Variants in ZNF540 observed in about 807,000 individuals in gnomAD.
ZNF540 encodes zinc finger protein 540, also known as CTD-3064H18.6.
ZNF540 carries 3 observed loss-of-function variants against 11.8 expected under a neutral mutation model. The observed-to-expected ratio is 0.25, with a 90% confidence interval of 0.12 to 0.65. The LOEUF (loss-of-function observed/expected upper bound fraction) is 0.65. ZNF540 is among the 30% of genes least tolerant of loss of function. The pLI, the probability that ZNF540 is intolerant of heterozygous loss-of-function variation, is 0.83. For missense variants in ZNF540, 709 were observed against 793.1 expected, an observed-to-expected ratio of 0.89 and a Z score of 1.27; for synonymous variants, 247 against 259.0, an observed-to-expected ratio of 0.95 and a Z score of 0.45.
chr19:37,555,793 G>A, intron 1 of ZNF540: 3 of 640,052 alleles, frequency 4.7e-6, no homozygotes. Context: ...CCCATGACAT[G>A]CCATAATACT....
rs778773191 is a variant in ZNF540 at position 37,599,608 on chromosome 19, G to A, written c.10-18G>A. ...TGTTCTGTAATTTCACCAGTAATAT[G>A]TTGGTTTATGGTTTCAGGCATTGGT... On this transcript the variant is annotated intron_variant, in intron 2 of 4. Transcript: ENST00000316433. 2 of 1,613,722 alleles carry A rather than the reference G, an allele frequency of 1.2e-6. No individual in the cohort carries two copies. Among genetic ancestry groups the A allele is most frequent in the Admixed American group, 1.7e-5 (1 of 59,964 alleles).
rs1446398567 is a variant in ZNF540, at chr19:37,613,891, G to C, written c.*628G>C. The C allele has an allele frequency of 1.0e-5, 4 of 398,408 alleles. No homozygotes were observed. Among genetic ancestry groups the C allele is most frequent in the Non-Finnish European group, 1.8e-5 (4 of 226,062 alleles). The allele number at this position is 398,408 out of a possible 1,614,324, so 24.7% of individuals were successfully genotyped here. A position where few individuals can be genotyped will look rare whatever the true frequency, so the allele number is the denominator to read the frequency against. ...CTTTAGGAGGAAATTAGGTCATGAG[G>C]GTGGAGCCTTCATGAGTGGAATTAC... On this transcript the variant is annotated 3_prime_UTR_variant, in exon 5 of 5. Transcript: ENST00000316433.
At position 37,614,106 on chromosome 19, in the gene ZNF540, C is replaced by G. The variant is rs2044153423; in HGVS notation, c.*843C>G. On this transcript the variant is annotated 3_prime_UTR_variant, in exon 5 of 5. Transcript: ENST00000316433. ...CTCAGTTGTTTATAAGCCACTGAGT[C>G]TACGATATTTTGTTATGCAGCCCAG... 2 of 372,234 alleles carry G rather than the reference C, an allele frequency of 5.4e-6. No individual in the cohort carries two copies. Among genetic ancestry groups the G allele is most frequent in the Non-Finnish European group, 9.5e-6 (2 of 210,542 alleles). The allele number at this position is 372,234 out of a possible 1,614,324, so 23.1% of individuals were successfully genotyped here.
intron 1 of ZNF540, chr19:37,586,625 A>G: frequency 1.9e-6 from 3 of 1,612,876 alleles, no homozygotes; most frequent in Non-Finnish European, 2.5e-6. Context: ...ACATTACACA[A>G]CAAAATGATT....
intron 1 of ZNF540, chr19:37,564,805 A>C: frequency 1.2e-6 from 2 of 1,614,008 alleles, no homozygotes; most frequent in Non-Finnish European, 1.7e-6. Flanking sequence ...GGTGTGAGCC[A>C]CGAATAAAAG....
At chr19:37,595,557 AGTGT>A (rs2043983831) in intron 1 of ZNF540, 1 of 152,192 alleles carries the variant, frequency 6.6e-6, no homozygotes, top group African/African-American at 2.4e-5. Flanking sequence ...TGGGGAAAGA[AGTGT>A]GTGAGCATAA....
In ZNF540 at chr19:37,612,440, A is replaced by G. The variant is rs137882596; in HGVS notation, c.1160A>G (p.Glu387Gly). The G allele has an allele frequency of 3.1e-6, 5 of 1,614,106 alleles. No individual in the cohort carries two copies. In the African/African-American group the frequency reaches 4.0e-5, roughly 13 times the overall value. Residue 387 changes from glutamate (E) to glycine (G), a missense_variant, in exon 5 of 5, where the codon GAG becomes GGG. Glu to Gly is a moderately conservative substitution (Grantham distance 98). Transcript: ENST00000316433. ...GGTAAGAAACCTTATGAATGTAAGG[A>G]GTGTGGGAAATCATTTAATGTGCGT... ...HAGKKPYECK[E>G]CGKSFNVRGQ...
At chr19:37,556,100 G>T (rs1415950774) in intron 1 of ZNF540, 2 of 702,772 alleles carry the variant, frequency 2.8e-6, no homozygotes, top group Non-Finnish European at 5.2e-6. Context: ...CTGCTGCAAG[G>T]TTGACACTTC....
At chr19:37,587,779 G>A (rs10403173) in intron 1 of ZNF540, among the ~76,000 whole-genome samples, 38,557 of 151,694 alleles carry the variant, frequency 0.25, 5,589 homozygotes, top group East Asian at 0.63. Context: ...TGTCCTCCCC[G>A]CTAACCAATT....
intron 1 of ZNF540, among the ~76,000 whole-genome samples, chr19:37,597,868 T>C (rs2044008548): frequency 6.6e-6 from 1 of 152,270 alleles, no homozygotes; most frequent in African/African-American, 2.4e-5. Flanking sequence ...AGCATAGCTG[T>C]GTTCCATTCC....
rs1171559870 is a variant in ZNF540, at chr19:37,594,898, C to G, written c.-270C>G. On this transcript the variant is annotated 5_prime_UTR_variant, in exon 1 of 5. Transcript: ENST00000316433. Reference sequence around the variant, plus strand: ...AGCAGCTAAGATCGGGTCCGGCGCTCCAGAACAGAACGATCCCTGAGGCTC... The same window carrying G: ...AGCAGCTAAGATCGGGTCCGGCGCTGCAGAACAGAACGATCCCTGAGGCTC... The G allele has an allele frequency of 6.6e-6, 1 of 152,224 alleles. No individual in the cohort carries two copies. Among genetic ancestry groups the G allele is most frequent in the Non-Finnish European group, 1.5e-5 (1 of 68,076 alleles). The allele number at this position is 152,224 out of a possible 1,614,324, so 9.4% of individuals were successfully genotyped here.
At chr19:37,598,938 C>A (rs548913625) in intron 2 of ZNF540, among the ~76,000 whole-genome samples, 3 of 152,198 alleles carry the variant, frequency 2.0e-5, no homozygotes, top group African/African-American at 7.2e-5. Flanking sequence ...TGTGGTTAAA[C>A]GGAATGTGCT....
At chr19:37,590,593 G>C (rs1482597321), upstream of ZNF540, among the ~76,000 whole-genome samples, 1 of 152,040 alleles carries the variant, frequency 6.6e-6, no homozygotes, top group Non-Finnish European at 1.5e-5. Flanking sequence ...TATAGATAAA[G>C]GAAAATGATG....
chr19:37,594,716 G>T (rs1373978189), upstream of ZNF540: 1 of 152,322 alleles, frequency 6.6e-6, no homozygotes, highest in Non-Finnish European at 1.5e-5. Flanking sequence ...GCTGCGAGCG[G>T]TTCCCGGTGA....
At chr19:37,604,532 C>T (rs2044067853) in intron 4 of ZNF540, among the ~76,000 whole-genome samples, 2 of 151,908 alleles carry the variant, frequency 1.3e-5, no homozygotes, top group African/African-American at 2.4e-5. Flanking sequence ...TGGTCTCGAT[C>T]TCCTGACCTT....
intron 1 of ZNF540, chr19:37,555,788 G>A: frequency 1.6e-6 from 1 of 632,628 alleles, no homozygotes; most frequent in Non-Finnish European, 2.8e-6. Context: ...TAATTCCCAT[G>A]ACATGCCATA....
chr19:37,554,575 TTCC>T (rs1600437629), intron 1 of ZNF540, among the ~76,000 whole-genome samples: 1 of 152,180 alleles, frequency 6.6e-6, no homozygotes, highest in Non-Finnish European at 1.5e-5. Flanking sequence ...TAGCTTTGAG[TTCC>T]TTGAGCTTCT....
intron 4 of ZNF540, among the ~76,000 whole-genome samples, chr19:37,603,196 G>A (rs150733982): frequency 0.013 from 1,912 of 151,976 alleles, 45 homozygotes; most frequent in African/African-American, 0.044. Flanking sequence ...TAGTAGAAAC[G>A]GGGTCTCACT....
chr19:37,573,121 A>G (rs1479416271), intron 1 of ZNF540, among the ~76,000 whole-genome samples: 1 of 147,484 alleles, frequency 6.8e-6, no homozygotes, highest in Admixed American at 6.8e-5. Context: ...TAATGCCACC[A>G]ACCTCTTCCA....
Sources: allele counts gnomAD v4.1 joint callset (sites outside exome capture counted in the v4.1 genomes callset), GRCh38; gene constraint gnomAD v4.1.1; transcripts MANE v1.5; gene names NCBI Gene and HGNC (gene_info 2026-07-23, HGNC 2026-07-21).